Variants in RAPGEF5 observed in about 807,000 individuals in gnomAD.
The protein encoded by RAPGEF5 is Rap guanine nucleotide exchange factor 5.
RAPGEF5 carries 65 observed loss-of-function variants against 125.2 expected under a neutral mutation model. The ratio of observed to expected loss-of-function variants is 0.52; its 90% CI spans 0.43 to 0.64. The LOEUF (loss-of-function observed/expected upper bound fraction) is 0.64, where lower values mean the gene tolerates loss of function less well. RAPGEF5 is among the 30% of genes least tolerant of loss of function. The probability of loss-of-function intolerance (pLI) is 0.00; values close to 1 mark genes in which losing one functional copy is unlikely to be tolerated. For synonymous variants in RAPGEF5, 391 were observed against 385.9 expected (o/e 1.01, Z -0.16); for missense variants, 958 against 1,048.1 (o/e 0.91, Z 1.19).
rs376363525 is a variant in RAPGEF5, at chr7:22,288,641, G to A, written c.747+2534C>T. ...AGGTTCACACCATTCTCCTGCCTCAGCCTCCCGAGTAGCTGGGACTACAGG... is the reference window on the plus strand; with the variant it reads ...AGGTTCACACCATTCTCCTGCCTCAACCTCCCGAGTAGCTGGGACTACAGG... On this transcript the variant is annotated intron_variant, in intron 6 of 25. Coordinates refer to ENST00000665637, the MANE Select transcript of RAPGEF5 (RefSeq NM_012294.5). Among the ~76,000 whole-genome samples the A allele has an allele frequency of 3.8e-4, 57 of 151,086 alleles. No individual in the cohort carries two copies. In the East Asian group the frequency reaches 0.011, roughly 28 times the overall value.
At position 22,308,398 on chromosome 7, in the gene RAPGEF5, A is replaced by C. The variant is rs1391476061; in HGVS notation, c.621T>G (p.Gly207=). The C allele has an allele frequency of 6.3e-7, 1 of 1,587,278 alleles. No homozygotes were observed. Among genetic ancestry groups the C allele is most frequent in the East Asian group, 2.3e-5 (1 of 44,068 alleles). The change falls in exon 5 of 26, where the codon GGT becomes GGG. Residue 207 remains glycine, a synonymous_variant. Coordinates refer to ENST00000665637, the MANE Select transcript of RAPGEF5 (RefSeq NM_012294.5). The part of the protein sequence containing the change: ...EFEREEEWQN[G]VKLLLQLVPL... ...GCACAAGTTGCAGTAAAAGCTTGAC[A>C]CCATTTTGCCATTCTTCTTCTCTTT...
At chr7:22,289,032 C>T (rs2128146847) in intron 6 of RAPGEF5, among the ~76,000 whole-genome samples, 1 of 152,324 alleles carries the variant, frequency 6.6e-6, no homozygotes, top group East Asian at 1.9e-4. Context: ...AGCTAGAATA[C>T]ACATCCTCCT....
chr7:22,315,524 A>G (rs1433051081), intron 2 of RAPGEF5, 48 bp from the exon 3 acceptor site: 1 of 1,260,094 alleles, frequency 7.9e-7, no homozygotes, highest in Non-Finnish European at 1.0e-6. Context: ...TAATGTGACA[A>G]TTTGTGAACT....
chr7:22,243,703 A>T (rs757712959), intron 7 of RAPGEF5, among the ~76,000 whole-genome samples: 6 of 152,226 alleles, frequency 3.9e-5, no homozygotes, highest in Non-Finnish European at 8.8e-5. Flanking sequence ...TTTTAGAATG[A>T]CTATGTATAC....
At chr7:22,291,401 A>T (rs1174400141) in intron 5 of RAPGEF5, among the ~76,000 whole-genome samples, 160 bp from the exon 6 acceptor site, 2 of 152,250 alleles carry the variant, frequency 1.3e-5, no homozygotes, top group African/African-American at 4.8e-5. Flanking sequence ...ATAGGAACAT[A>T]ATCCTCTTGC....
chr7:22,289,338 A>G (rs1455211750), intron 6 of RAPGEF5, among the ~76,000 whole-genome samples: 1 of 152,268 alleles, frequency 6.6e-6, no homozygotes, highest in Admixed American at 6.5e-5. Flanking sequence ...TATTGGAGAT[A>G]AAAATTCTGA....
At chr7:22,199,382 AAC>A (rs1785223699) in intron 9 of RAPGEF5, among the ~76,000 whole-genome samples, 1 of 152,108 alleles carries the variant, frequency 6.6e-6, no homozygotes. Context: ...TGCAACTTGG[AAC>A]ACAGAGACAT....
intron 9 of RAPGEF5, among the ~76,000 whole-genome samples, chr7:22,202,599 C>T (rs1785304182): frequency 6.6e-6 from 1 of 152,192 alleles, no homozygotes; most frequent in Admixed American, 6.5e-5. Flanking sequence ...ACAATGTACA[C>T]ATCTTACCAA....
intron 1 of RAPGEF5, among the ~76,000 whole-genome samples, chr7:22,331,516 C>A (rs185953621): frequency 3.3e-5 from 5 of 151,972 alleles, no homozygotes; most frequent in Non-Finnish European, 5.9e-5. Flanking sequence ...GAGGCCGAGG[C>A]GGGCGGATCA....
chr7:22,264,063 G>A (rs1313118028), intron 7 of RAPGEF5, among the ~76,000 whole-genome samples: 1 of 151,876 alleles, frequency 6.6e-6, no homozygotes, highest in Non-Finnish European at 1.5e-5. Context: ...CATTTTAAAA[G>A]CTGTTTAATA....
intron 6 of RAPGEF5, among the ~76,000 whole-genome samples, chr7:22,286,140 C>T (rs538827039): frequency 5.1e-4 from 78 of 152,274 alleles, no homozygotes; most frequent in Middle Eastern, 3.4e-3. Context: ...CGTCTGACTA[C>T]GGATCAGAAG....
intron 7 of RAPGEF5, among the ~76,000 whole-genome samples, chr7:22,243,657 T>C (rs1786398685): frequency 6.6e-6 from 1 of 152,202 alleles, no homozygotes; most frequent in African/African-American, 2.4e-5. Context: ...TGGGATACAA[T>C]AGGATGCTTT....
chr7:22,255,117 C>T (rs1030341950), intron 7 of RAPGEF5, among the ~76,000 whole-genome samples: 6 of 151,984 alleles, frequency 3.9e-5, no homozygotes, highest in African/African-American at 1.5e-4. Context: ...ATATGCCCAC[C>T]CCAAATGCCT....
intron 6 of RAPGEF5, among the ~76,000 whole-genome samples, chr7:22,285,176 G>C (rs1782767977): frequency 6.6e-6 from 1 of 152,162 alleles, no homozygotes; most frequent in South Asian, 2.1e-4. Flanking sequence ...AGCATCTCGA[G>C]AGGGTATCCT....
chr7:22,327,823 T>C (rs1384497983), intron 1 of RAPGEF5, among the ~76,000 whole-genome samples: 1 of 152,226 alleles, frequency 6.6e-6, no homozygotes, highest in African/African-American at 2.4e-5. Context: ...ATTTAAAAGA[T>C]TGCTGGGCTC....
intron 7 of RAPGEF5, among the ~76,000 whole-genome samples, chr7:22,231,245 C>G (rs542396680): frequency 3.3e-5 from 5 of 152,086 alleles, no homozygotes; most frequent in Non-Finnish European, 7.4e-5. Flanking sequence ...GACTTTTATT[C>G]ATTTCATATA....
chr7:22,260,822 A>C (rs1348714635), intron 7 of RAPGEF5, among the ~76,000 whole-genome samples: 1 of 151,970 alleles, frequency 6.6e-6, no homozygotes, highest in Non-Finnish European at 1.5e-5. Context: ...CCAATGCCCC[A>C]CTCTCCCCTG....
chr7:22,317,871 C>T (rs1783634344), intron 2 of RAPGEF5, 116 bp downstream of exon 2: 5 of 1,367,882 alleles, frequency 3.7e-6, no homozygotes, highest in Admixed American at 2.5e-5. Flanking sequence ...ACTGCAGCAT[C>T]CCTGCAAAAC....
At chr7:22,169,144 G>T (rs1202901838) in intron 11 of RAPGEF5, among the ~76,000 whole-genome samples, 1 of 152,176 alleles carries the variant, frequency 6.6e-6, no homozygotes, top group Non-Finnish European at 1.5e-5. Flanking sequence ...AGGCTGTGGT[G>T]GCGTGCCTGA....
Sources: gnomAD v4.1 joint callset for allele counts (sites outside exome capture counted in the v4.1 genomes callset) on GRCh38, gnomAD v4.1.1 for gene constraint, MANE v1.5 for transcripts, NCBI Gene and HGNC (gene_info 2026-07-23, HGNC 2026-07-21) for gene names.